SERPINB8: variants seen among roughly 807,000 people sequenced by gnomAD.
SERPINB8 encodes the protein serpin family B member 8.
Under a neutral mutation model 35.3 loss-of-function variants are expected in SERPINB8, and 25 were observed. The ratio of observed to expected loss-of-function variants is 0.71; its 90% CI spans 0.52 to 0.99. SERPINB8 has a LOEUF of 0.99. Ranked by LOEUF, SERPINB8 falls within the 50% of genes least tolerant of loss-of-function variation. The pLI, the probability that SERPINB8 is intolerant of heterozygous loss-of-function variation, is 0.00. For missense variants in SERPINB8, 484 were observed against 446.5 expected (o/e 1.08, Z -0.76); for synonymous variants, 186 against 160.8 (o/e 1.16, Z -1.19).
At chr18:63,980,564 A>G (rs2050655100) in intron 3 of SERPINB8, among the ~76,000 whole-genome samples, 2 of 151,768 alleles carry the variant, frequency 1.3e-5, no homozygotes, top group South Asian at 2.1e-4. Context: ...TTCTGAGAGG[A>G]CTCCTCTAAG....
At chr18:63,998,321 G>A (rs1274114506) in intron 1 of SERPINB8, among the ~76,000 whole-genome samples, 1 of 152,106 alleles carries the variant, frequency 6.6e-6, no homozygotes, top group Non-Finnish European at 1.5e-5. Flanking sequence ...TATTTCTCTG[G>A]CTTCCTGAAT....
intron 1 of SERPINB8, among the ~76,000 whole-genome samples, chr18:64,002,692 G>A (rs1257443250): frequency 2.0e-5 from 3 of 152,044 alleles, no homozygotes; most frequent in Non-Finnish European, 2.9e-5. Flanking sequence ...AGGCCTTGGA[G>A]AAGCCGGGGA....
At chr18:63,999,641 A>G (rs1489489693) in intron 1 of SERPINB8, among the ~76,000 whole-genome samples, 5 of 152,104 alleles carry the variant, frequency 3.3e-5, no homozygotes, top group African/African-American at 1.2e-4. Flanking sequence ...TACACTCCCA[A>G]CCCGATGTAT....
intron 7 of SERPINB8, among the ~76,000 whole-genome samples, chr18:64,017,674 G>A (rs1034202348): frequency 6.6e-6 from 1 of 152,056 alleles, no homozygotes; most frequent in African/African-American, 2.4e-5. Context: ...ACCTAATAAG[G>A]AGCAAAGAAA....
intron 1 of SERPINB8, among the ~76,000 whole-genome samples, chr18:64,002,806 C>T (rs1357185797): frequency 6.6e-6 from 1 of 152,200 alleles, no homozygotes; most frequent in Non-Finnish European, 1.5e-5. Flanking sequence ...GCGGGTCCGC[C>T]CTCGGTGCCG....
chr18:63,986,184 A>C, intron 6 of SERPINB8: 1 of 1,395,010 alleles, frequency 7.2e-7, no homozygotes, highest in Non-Finnish European at 1.0e-6. Context: ...CCTGGGCTCC[A>C]GTTGTTAAAG....
At chr18:64,018,193 C>T (rs1487203963) in intron 7 of SERPINB8, among the ~76,000 whole-genome samples, 2 of 152,152 alleles carry the variant, frequency 1.3e-5, no homozygotes, top group South Asian at 2.1e-4. Flanking sequence ...AGCTAACATT[C>T]TTGGTTTTTA....
At chr18:63,970,261 G>A in intron 1 of SERPINB8, 91 bp downstream of exon 1, 1 of 185,296 alleles carries the variant, frequency 5.4e-6, no homozygotes. Flanking sequence ...GCGTGAGAGA[G>A]GGGAAGGGAG....
chr18:63,974,085 C>G (rs1352763470), intron 1 of SERPINB8, among the ~76,000 whole-genome samples: 1 of 152,186 alleles, frequency 6.6e-6, no homozygotes, highest in African/African-American at 2.4e-5. Context: ...GCCTGCCCAG[C>G]TTTTAAAGCC....
intron 7 of SERPINB8, among the ~76,000 whole-genome samples, chr18:64,015,096 C>T (rs1028953154): frequency 2.0e-5 from 3 of 152,186 alleles, no homozygotes; most frequent in Admixed American, 1.3e-4. Context: ...ATACCATATT[C>T]TAGAAGCATA....
downstream of SERPINB8, among the ~76,000 whole-genome samples, chr18:64,008,063 T>C (rs905928504): frequency 4.6e-5 from 7 of 152,154 alleles, no homozygotes; most frequent in African/African-American, 1.7e-4. Flanking sequence ...TTTTGTATCA[T>C]AAAATGTAAG....
intron 1 of SERPINB8, among the ~76,000 whole-genome samples, chr18:63,974,037 G>C (rs1249918983): frequency 6.6e-6 from 1 of 152,206 alleles, no homozygotes; most frequent in African/African-American, 2.4e-5. Context: ...GTCATTGGTA[G>C]CTTGATGGGG....
chr18:64,009,788 T>C (rs151223613), downstream of SERPINB8, among the ~76,000 whole-genome samples: 414 of 152,312 alleles, frequency 2.7e-3, 3 homozygotes, highest in East Asian at 0.024. Context: ...AATGGGACAC[T>C]AGGTATAAAT....
At chr18:63,991,687 C>A (rs1473869137), downstream of SERPINB8, among the ~76,000 whole-genome samples, 1 of 150,838 alleles carries the variant, frequency 6.6e-6, no homozygotes, top group Non-Finnish European at 1.5e-5. Context: ...TTTTTCTTTG[C>A]CTTATTGCAC....
In SERPINB8 at chr18:63,979,999, C is replaced by G; in HGVS notation, c.306+61C>G. 2.6e-6 allele frequency: 4 copies of G among 1,533,582 alleles called. No homozygotes were observed. In the South Asian group the frequency reaches 3.4e-5, roughly 13 times the overall value. 95.0% of individuals were successfully genotyped at this position (1,533,582 alleles called of 1,614,324 possible). A position where few individuals can be genotyped will look rare whatever the true frequency, so the allele number is the denominator to read the frequency against. On this transcript the variant is annotated intron_variant, in intron 3 of 6. Coordinates refer to ENST00000397985, the MANE Select transcript of SERPINB8 (RefSeq NM_002640.4). ...GAAAGTAAGTTAGACTACAGAAGAG[C>G]AGATAATAAAGTATAACTGTACTGA...
exon 8 of SERPINB8, chr18:64,018,941 A>C (rs919221955): frequency 6.6e-6 from 1 of 152,158 alleles, no homozygotes; most frequent in Non-Finnish European, 1.5e-5. Flanking sequence ...TTTATGATCA[A>C]ACACCAGCTG....
chr18:63,970,950 C>A (rs113338190), intron 1 of SERPINB8, among the ~76,000 whole-genome samples: 7 of 152,312 alleles, frequency 4.6e-5, no homozygotes, highest in African/African-American at 1.7e-4. Flanking sequence ...TCCTCACTTT[C>A]CAGACACTCT....
At chr18:64,015,730 C>T (rs572604601) in intron 7 of SERPINB8, among the ~76,000 whole-genome samples, 3 of 152,186 alleles carry the variant, frequency 2.0e-5, no homozygotes, top group South Asian at 2.1e-4. Context: ...GTGGAAATAC[C>T]GCTATTTGTC....
chr18:63,971,946 T>C lies in SERPINB8; in HGVS notation c.-11+1776T>C, dbSNP rs61689269. Among the ~76,000 whole-genome samples the C allele has an allele frequency of 9.6e-3, 1,461 of 152,148 alleles. 28 individuals are homozygous for C. The highest frequency in any genetic ancestry group is 0.033 in the African/African-American group (1,389 of 41,528). On this transcript the variant is annotated intron_variant, in intron 1 of 6. Coordinates refer to ENST00000397985, the MANE Select transcript of SERPINB8 (RefSeq NM_002640.4). ...ACCTGCTAATTCCTCAGCCTATTATTTGCATCCCCCATTTCACCACCTACG... is the reference window on the plus strand; with the variant it reads ...ACCTGCTAATTCCTCAGCCTATTATCTGCATCCCCCATTTCACCACCTACG...
Sources: gnomAD v4.1 joint callset for allele counts (sites outside exome capture counted in the v4.1 genomes callset) on GRCh38, gnomAD v4.1.1 for gene constraint, MANE v1.5 for transcripts, NCBI Gene and HGNC (gene_info 2026-07-23, HGNC 2026-07-21) for gene names.